The following FOXA3 variants were observed in gnomAD, a reference collection of about 807,000 sequenced individuals.
FOXA3 encodes the protein hepatocyte nuclear factor 3-gamma.
FOXA3 carries 11 observed loss-of-function variants against 16.9 expected under a neutral mutation model. That is an observed-to-expected ratio of 0.65 (90% CI 0.41 to 1.08). FOXA3 has a LOEUF of 1.08. FOXA3 is among the 50% of genes least tolerant of loss of function. The pLI is 0.00. For synonymous variants in FOXA3, 217 were observed against 203.3 expected, an observed-to-expected ratio of 1.07 and a Z score of -0.57; for missense variants, 423 against 470.1, an observed-to-expected ratio of 0.90 and a Z score of 0.93.
intron 1 of FOXA3, 122 bp from the exon 2 acceptor site, chr19:45,871,953 G>A: frequency 1.0e-6 from 1 of 971,164 alleles, no homozygotes; most frequent in Non-Finnish European, 1.6e-6. Flanking sequence ...TAGAGGTAAT[G>A]ATGGAAGGGA....
Position 45,872,391 on chromosome 19 carries a change from C to T in FOXA3, c.386C>T (p.Ala129Val). 6.2e-7 allele frequency: 1 copy of T among 1,614,228 alleles called. No homozygotes were observed. The highest frequency in any genetic ancestry group is 8.5e-7 in the Non-Finnish European group (1 of 1,180,032). ...PYSYISLITM[A>V]IQQAPGKMLT... ...TCCTATATCTCACTCATCACCATGGCCATCCAGCAGGCGCCGGGCAAGATG... is the reference window on the plus strand; with the variant it reads ...TCCTATATCTCACTCATCACCATGGTCATCCAGCAGGCGCCGGGCAAGATG... The change falls in exon 2 of 2, where the codon GCC becomes GTC. Residue 129 changes from alanine to valine, a missense_variant. Around this residue, in one of 3 missense-constraint regions of FOXA3, gnomAD observed 85 missense variants for 136.9 expected, o/e 0.62. Coordinates refer to ENST00000302177, the MANE Select transcript of FOXA3 (RefSeq NM_004497.3). The surrounding 1 kb of genome is among the most constrained non-coding windows in gnomAD (Gnocchi z 4.5).
At chr19:45,870,779 G>A (rs59093775) in intron 1 of FOXA3, among the ~76,000 whole-genome samples, 47,458 of 151,768 alleles carry the variant, frequency 0.31, 7,550 homozygotes, top group African/African-American at 0.35. Flanking sequence ...CACGTTGCCA[G>A]GCTGGTCTTG....
At chr19:45,869,782 T>C (rs1302318831) in intron 1 of FOXA3, among the ~76,000 whole-genome samples, 2 of 145,272 alleles carry the variant, frequency 1.4e-5, no homozygotes, top group African/African-American at 5.2e-5. Flanking sequence ...AATTTATTTT[T>C]ATTTATTTAT....
chr19:45,872,628 G>A lies in FOXA3; in HGVS notation c.623G>A (p.Arg208His), dbSNP rs769113907. The change falls in exon 2 of 2, where the codon CGC becomes CAC. Residue 208 changes from arginine to histidine, a missense_variant. Arg to His is a conservative substitution (Grantham distance 29). Transcript: ENST00000302177. The surrounding 1 kb of genome is among the most constrained non-coding windows in gnomAD (Gnocchi z 4.5). ...GNMFENGCYL[R>H]RQKRFKLEEK... ...ATGTTTGAGAATGGCTGCTACCTGCGCCGCCAGAAACGCTTCAAGCTGGAG... is the reference window on the plus strand; with the variant it reads ...ATGTTTGAGAATGGCTGCTACCTGCACCGCCAGAAACGCTTCAAGCTGGAG... 5 of 1,613,784 alleles carry A rather than the reference G, an allele frequency of 3.1e-6. No individual in the cohort carries two copies. Among genetic ancestry groups the A allele is most frequent in the East Asian group, 2.2e-5 (1 of 44,894 alleles).
chr19:45,864,491 T>C lies in FOXA3; in HGVS notation c.35T>C (p.Leu12Pro). The part of the protein sequence containing the change: ...LGSVKMEAHD[L>P]AEWSYYPEAG... ...TCAGTGAAGATGGAGGCCCATGACC[T>C]GGCCGAGTGGAGCTACTACCCGGAG... Residue 12 changes from leucine to proline, a missense_variant, in exon 1 of 2, where the codon CTG becomes CCG. By Grantham distance (98) the Leu-to-Pro change is moderately conservative. Around this residue, in one of 3 missense-constraint regions of FOXA3, gnomAD observed 170 missense variants for 153.9 expected, o/e 1.10. Transcript: ENST00000302177. The C allele has an allele frequency of 1.3e-6, 2 of 1,546,118 alleles. No homozygotes were observed. The highest frequency in any genetic ancestry group is 1.2e-5 in the South Asian group (1 of 82,102).
chr19:45,864,509 A>G lies in FOXA3; in HGVS notation c.53A>G (p.Tyr18Cys), dbSNP rs1270626742. Reference sequence around the variant, plus strand: ...CATGACCTGGCCGAGTGGAGCTACTACCCGGAGGCGGGCGAGGTGTGTCCT... The same window carrying G: ...CATGACCTGGCCGAGTGGAGCTACTGCCCGGAGGCGGGCGAGGTGTGTCCT... ...EAHDLAEWSY[Y>C]PEAGEVYSPV... is the part of the protein sequence containing the mutation. Residue 18 changes from tyrosine to cysteine, a missense_variant, in exon 1 of 2, where the codon TAC becomes TGC. Coordinates refer to ENST00000302177, the MANE Select transcript of FOXA3 (RefSeq NM_004497.3). 1 of 1,550,668 alleles carries G rather than the reference A, an allele frequency of 6.4e-7. No individual in the cohort carries two copies. Among genetic ancestry groups the G allele is most frequent in the East Asian group, 2.5e-5 (1 of 40,384 alleles).
chr19:45,869,396 C>T (rs758674492), intron 1 of FOXA3, among the ~76,000 whole-genome samples: 27 of 152,216 alleles, frequency 1.8e-4, no homozygotes, highest in Middle Eastern at 3.2e-3. Context: ...ATAACACCTC[C>T]TCCCATAGTA....
chr19:45,868,785 A>C (rs757015376), intron 1 of FOXA3, among the ~76,000 whole-genome samples: 7 of 151,918 alleles, frequency 4.6e-5, no homozygotes, highest in Admixed American at 6.5e-5. Context: ...TTGAGAAGGG[A>C]TAAGTAGATA....
chr19:45,866,172 G>A (rs375121164), intron 1 of FOXA3, among the ~76,000 whole-genome samples: 5 of 152,284 alleles, frequency 3.3e-5, no homozygotes, highest in African/African-American at 9.6e-5. Context: ...AGCACTTTGG[G>A]AGGTCGAAGT....
chr19:45,864,464 G>T lies in FOXA3; in HGVS notation c.8G>T (p.Gly3Val). 1 of 1,515,074 alleles carries T rather than the reference G, an allele frequency of 6.6e-7. No homozygotes were observed. 93.9% of individuals were successfully genotyped at this position (1,515,074 alleles called of 1,614,324 possible). ...GGGGCGTAAGCCCGGGGGATGCTGGGCTCAGTGAAGATGGAGGCCCATGAC... is the reference window on the plus strand; with the variant it reads ...GGGGCGTAAGCCCGGGGGATGCTGGTCTCAGTGAAGATGGAGGCCCATGAC... ML[G>V]SVKMEAHDLA... Residue 3 changes from glycine to valine, a missense_variant, in exon 1 of 2, where the codon GGC becomes GTC. Around this residue, in one of 3 missense-constraint regions of FOXA3, gnomAD observed 170 missense variants for 153.9 expected, o/e 1.10. Transcript: ENST00000302177.
chr19:45,869,146 C>T (rs1972111295), intron 1 of FOXA3, among the ~76,000 whole-genome samples: 1 of 152,078 alleles, frequency 6.6e-6, no homozygotes, highest in Admixed American at 6.6e-5. Flanking sequence ...AGGCTGGTCT[C>T]GAACTCCCGA....
In FOXA3 at chr19:45,864,512, C is replaced by A. The variant is rs867175105; in HGVS notation, c.56C>A (p.Pro19Gln). The A allele has an allele frequency of 6.5e-7, 1 of 1,547,486 alleles. No individual in the cohort carries two copies. Among genetic ancestry groups the A allele is most frequent in the Non-Finnish European group, 8.7e-7 (1 of 1,145,222 alleles). Reference protein sequence around the residue: ...AHDLAEWSYYPEAGEVYSPVT... With the variant: ...AHDLAEWSYYQEAGEVYSPVT... ...GACCTGGCCGAGTGGAGCTACTACC[C>A]GGAGGCGGGCGAGGTGTGTCCTCGG... The change falls in exon 1 of 2, where the codon CCG becomes CAG. Residue 19 changes from proline to glutamine, a missense_variant. Physicochemically the swap from Pro to Gln is moderately conservative, Grantham distance 76. This residue lies in a region of FOXA3 where 170 missense variants were observed against 153.9 expected (regional missense o/e 1.10). Transcript: ENST00000302177.
chr19:45,870,375 G>A (rs915301132), intron 1 of FOXA3, among the ~76,000 whole-genome samples: 11 of 150,354 alleles, frequency 7.3e-5, no homozygotes, highest in Non-Finnish European at 1.5e-4. Context: ...GGGTTTCACC[G>A]TGTTAGCCAA....
At chr19:45,867,122 C>CGGGT (rs1230234832) in intron 1 of FOXA3, among the ~76,000 whole-genome samples, 1 of 151,822 alleles carries the variant, frequency 6.6e-6, no homozygotes, top group East Asian at 1.9e-4. Flanking sequence ...GGAGGACTTC[C>CGGGT]GGGTGGGTGG....
chr19:45,872,755 G>T lies in FOXA3; in HGVS notation c.750G>T (p.Pro250=), dbSNP rs556790003. 17 of 1,605,452 alleles carry T rather than the reference G, an allele frequency of 1.1e-5. No homozygotes were observed. In the East Asian group the frequency reaches 3.4e-4, roughly 32 times the overall value. Residue 250 remains proline, a synonymous_variant, in exon 2 of 2, where the codon CCG becomes CCT. Transcript: ENST00000302177. This position sits in a 1 kb window ranked among gnomAD's most constrained non-coding sequence, Gnocchi z 4.5. ...TTTPAATVTS[P]PQPPPPAPEP... ...CCCCCGCGGCCACAGTCACCTCCCC[G>T]CCCCAGCCCCCGCCTCCAGCCCCTG...
intron 1 of FOXA3, among the ~76,000 whole-genome samples, chr19:45,870,659 T>C: frequency 6.7e-6 from 1 of 148,996 alleles, no homozygotes; most frequent in African/African-American, 2.5e-5. Context: ...AGCCTCAGAC[T>C]CCTGGGCTCA....
chr19:45,866,256 A>AT (rs1184959342), intron 1 of FOXA3, among the ~76,000 whole-genome samples: 4 of 151,280 alleles, frequency 2.6e-5, no homozygotes, highest in South Asian at 2.1e-4. Context: ...TAAAAAAAAA[A>AT]TTTTTTTTTA....
intron 1 of FOXA3, among the ~76,000 whole-genome samples, chr19:45,867,421 A>ATAGAT: frequency 6.8e-6 from 1 of 145,996 alleles, no homozygotes; most frequent in Non-Finnish European, 1.5e-5. Context: ...AGGGAGATAG[A>ATAGAT]TAGATAGATA....
chr19:45,865,567 A>AGGG (rs1232842692), intron 1 of FOXA3, among the ~76,000 whole-genome samples: 3 of 152,040 alleles, frequency 2.0e-5, no homozygotes, highest in Admixed American at 2.0e-4. Context: ...CTAACCTGGA[A>AGGG]GGGGACTGTG....
Sources: gnomAD v4.1 joint callset for allele counts (sites outside exome capture counted in the v4.1 genomes callset) on GRCh38, gnomAD v4.1.1 for gene constraint, gnomAD v4.1.1 regional missense constraint, Gnocchi (gnomAD v3.1) non-coding constraint, MANE v1.5 for transcripts, NCBI Gene and HGNC (gene_info 2026-07-23, HGNC 2026-07-21) for gene names.